BCAR3: variants seen among roughly 807,000 people sequenced by gnomAD.
BCAR3 encodes the protein breast cancer anti-estrogen resistance protein 3.
In BCAR3, 37 loss-of-function variants were observed where a neutral mutation model predicts 80.1. The ratio of observed to expected loss-of-function variants is 0.46; its 90% confidence interval spans 0.36 to 0.61. The LOEUF (loss-of-function observed/expected upper bound fraction) is 0.61. Among genes scored for constraint, BCAR3 ranks in the 20% least tolerant of loss-of-function variants. BCAR3 has a pLI of 0.00. For synonymous variants in BCAR3, 389 were observed against 418.9 expected, an observed-to-expected ratio of 0.93 and a Z score of 0.87; for missense variants, 978 against 1,068.2, an observed-to-expected ratio of 0.92 and a Z score of 1.18.
intron 2 of BCAR3, among the ~76,000 whole-genome samples, chr1:93,765,165 C>T (rs1246238643): frequency 1.3e-5 from 2 of 152,078 alleles, no homozygotes; most frequent in East Asian, 1.9e-4. Context: ...AAGTGGTTTA[C>T]CCAAAAAAAG....
intron 3 of BCAR3, among the ~76,000 whole-genome samples, chr1:93,702,342 A>G (rs1649672919): frequency 6.6e-6 from 1 of 152,188 alleles, no homozygotes; most frequent in South Asian, 2.1e-4. Flanking sequence ...ATCCAAGCAC[A>G]TGGGCCACAG....
At chr1:93,582,276 G>A (rs1673739510) in intron 7 of BCAR3, 25 bp downstream of exon 7, 2 of 1,598,432 alleles carry the variant, frequency 1.3e-6, no homozygotes, top group Admixed American at 1.7e-5. Context: ...AAAGCCAGAG[G>A]AGCACCAGGA....
chr1:93,562,239 T>TATCA lies in BCAR3; in HGVS notation c.2476_*1dup. On this transcript the variant is annotated 3_prime_UTR_variant, in exon 12 of 12. Transcript: ENST00000260502. ...ATATTCTAAAGGTTCTCTGGAGAGT[T>TATCA]ATCAAAGCTCTGCCTGCTTTACAGG... 6.2e-7 allele frequency: 1 copy of TATCA among 1,612,616 alleles called. No homozygotes were observed. Among genetic ancestry groups the TATCA allele is most frequent in the Non-Finnish European group, 8.5e-7 (1 of 1,179,116 alleles).
At chr1:93,684,298 T>C (rs1311260881), upstream of BCAR3, among the ~76,000 whole-genome samples, 2 of 152,226 alleles carry the variant, frequency 1.3e-5, no homozygotes, top group East Asian at 3.9e-4. Flanking sequence ...CTATACAGTA[T>C]CTACTGCATA....
At chr1:93,597,793 G>A (rs1406045620) in intron 3 of BCAR3, among the ~76,000 whole-genome samples, 2 of 152,198 alleles carry the variant, frequency 1.3e-5, no homozygotes, top group African/African-American at 4.8e-5. Flanking sequence ...AAGCAGCCTG[G>A]AGCCTGCCAA....
intron 2 of BCAR3, among the ~76,000 whole-genome samples, chr1:93,797,969 G>C (rs920062202): frequency 6.6e-6 from 1 of 152,206 alleles, no homozygotes; most frequent in Non-Finnish European, 1.5e-5. Context: ...GAAAGGGCCG[G>C]TGGGCAAAGG....
chr1:93,834,370 C>T (rs1654687804), intron 2 of BCAR3, among the ~76,000 whole-genome samples: 1 of 152,100 alleles, frequency 6.6e-6, no homozygotes, highest in Non-Finnish European at 1.5e-5. Context: ...CTCCACTACC[C>T]ATTATTCTAT....
intron 7 of BCAR3, among the ~76,000 whole-genome samples, chr1:93,578,919 G>A (rs1673580172): frequency 6.6e-6 from 1 of 152,228 alleles, no homozygotes; most frequent in Admixed American, 6.5e-5. Flanking sequence ...CTGGGTAGCT[G>A]TATTCCTTAC....
intron 7 of BCAR3, among the ~76,000 whole-genome samples, chr1:93,578,495 T>C (rs1673553886): frequency 6.6e-6 from 1 of 152,198 alleles, no homozygotes. Context: ...TCCATGGGTT[T>C]TGACAACTAA....
At chr1:93,629,236 G>A (rs1174001553) in intron 3 of BCAR3, among the ~76,000 whole-genome samples, 5 of 152,104 alleles carry the variant, frequency 3.3e-5, no homozygotes, top group Non-Finnish European at 7.4e-5. Context: ...GCTCCAGTCA[G>A]CCTGGGCACA....
At chr1:93,726,102 A>T (rs538610711) in intron 2 of BCAR3, among the ~76,000 whole-genome samples, 2 of 151,746 alleles carry the variant, frequency 1.3e-5, no homozygotes, top group Admixed American at 6.6e-5. Flanking sequence ...GGTGTCACTC[A>T]GTTGCCCACG....
chr1:93,685,696 A>T (rs1312008638), upstream of BCAR3, among the ~76,000 whole-genome samples: 1 of 152,208 alleles, frequency 6.6e-6, no homozygotes, highest in Admixed American at 6.5e-5. Context: ...ATTTTGATAA[A>T]TAATGCCAAA....
In BCAR3 at chr1:93,800,234, T is replaced by A. The variant is rs142516856; in HGVS notation, c.-63+45333A>T. ...GGTAGCTGTTAAGATTTTTATGACATTGGTGGATGATTCAGACCATAAATA... is the reference window on the plus strand; with the variant it reads ...GGTAGCTGTTAAGATTTTTATGACAATGGTGGATGATTCAGACCATAAATA... On this transcript the variant is annotated intron_variant, in intron 2 of 13. Transcript: ENST00000370244. 2.0e-5 allele frequency among the ~76,000 whole-genome samples: 3 copies of A among 152,248 alleles called. No individual in the cohort carries two copies. The East Asian group carries it at 5.8e-4, about 29-fold the overall frequency.
At chr1:93,567,570 G>C in intron 10 of BCAR3, 79 bp from the exon 11 acceptor site, 1 of 1,516,870 alleles carries the variant, frequency 6.6e-7, no homozygotes, top group Non-Finnish European at 9.0e-7. Context: ...CATAGCCCTT[G>C]TCTTGTTACA....
chr1:93,790,398 A>C (rs1653100806), intron 2 of BCAR3, among the ~76,000 whole-genome samples: 1 of 152,134 alleles, frequency 6.6e-6, no homozygotes, highest in African/African-American at 2.4e-5. Flanking sequence ...TATAATATCT[A>C]ATTGCTTAAC....
chr1:93,670,624 C>A (rs1343123039), intron 2 of BCAR3, among the ~76,000 whole-genome samples: 1 of 152,186 alleles, frequency 6.6e-6, no homozygotes, highest in East Asian at 1.9e-4. Context: ...GGTGCCTCAA[C>A]ATCCCTGAAC....
At chr1:93,590,813 T>C (rs975474917) in intron 4 of BCAR3, among the ~76,000 whole-genome samples, 1 of 152,220 alleles carries the variant, frequency 6.6e-6, no homozygotes, top group African/African-American at 2.4e-5. Context: ...AAACACCCTA[T>C]GTGTCCAGTA....
rs1014801004 is a variant in BCAR3 at position 93,665,142 on chromosome 1, C to T, written c.317+9472G>A. 8.5e-5 allele frequency among the ~76,000 whole-genome samples: 13 copies of T among 152,126 alleles called. No individual in the cohort carries two copies. The East Asian group carries it at 2.5e-3, about 29-fold the overall frequency. ...CCTCAACGTGGCCACCTACCTAAAC[C>T]TTGAAAAAGCAGCCATCACCCTTTA... On this transcript the variant is annotated intron_variant, in intron 2 of 11. Coordinates refer to ENST00000260502, the MANE Select transcript of BCAR3 (RefSeq NM_003567.4).
chr1:93,801,591 T>G (rs1653481414), intron 2 of BCAR3, among the ~76,000 whole-genome samples: 1 of 152,246 alleles, frequency 6.6e-6, no homozygotes, highest in Non-Finnish European at 1.5e-5. Context: ...TTAGGAAATA[T>G]CAGGCGAATT....
Sources: gnomAD v4.1 joint callset for allele counts (sites outside exome capture counted in the v4.1 genomes callset) on GRCh38, gnomAD v4.1.1 for gene constraint, MANE v1.5 for transcripts, NCBI Gene and HGNC (gene_info 2026-07-23, HGNC 2026-07-21) for gene names.